Variants in SOX6 observed in about 807,000 individuals in gnomAD.
The protein encoded by SOX6 is transcription factor SOX-6.
A neutral mutation model predicts 97.8 loss-of-function variants in SOX6; 11 were observed. The ratio of observed to expected loss-of-function variants is 0.11; its 90% confidence interval spans 0.07 to 0.19. The LOEUF (loss-of-function observed/expected upper bound fraction) is 0.19, where lower values mean the gene tolerates loss of function less well. Among genes scored for constraint, SOX6 ranks in the 10% least tolerant of loss-of-function variants. SOX6 has a pLI of 1.00. For missense variants in SOX6, 810 were observed against 1,039.5 expected (o/e 0.78, Z 3.04); for synonymous variants, 360 against 371.4 (o/e 0.97, Z 0.35).
At chr11:16,245,077 T>C (rs1853298870) in intron 3 of SOX6, among the ~76,000 whole-genome samples, 1 of 151,856 alleles carries the variant, frequency 6.6e-6, no homozygotes. Flanking sequence ...TTTAAAGATA[T>C]AAATTTCCTT....
chr11:16,151,294 T>C (rs115253236), intron 6 of SOX6, among the ~76,000 whole-genome samples: 294 of 152,256 alleles, frequency 1.9e-3, no homozygotes, highest in African/African-American at 6.9e-3. Context: ...GAGCTGACAA[T>C]AGTGCGTAAC....
At chr11:16,603,465 G>A (rs551777038) in intron 4 of SOX6, among the ~76,000 whole-genome samples, 52 of 152,224 alleles carry the variant, frequency 3.4e-4, no homozygotes, top group Non-Finnish European at 6.2e-4. Flanking sequence ...GGCTAGGCCT[G>A]GAGGGGGAAA....
At chr11:16,035,945 C>T (rs1257256295) in intron 12 of SOX6, among the ~76,000 whole-genome samples, 1 of 152,150 alleles carries the variant, frequency 6.6e-6, no homozygotes, top group East Asian at 1.9e-4. Context: ...GCCAGAGAGA[C>T]AGAGGACTGG....
At chr11:16,660,500 C>G (rs1847758104) in intron 3 of SOX6, among the ~76,000 whole-genome samples, 1 of 152,086 alleles carries the variant, frequency 6.6e-6, no homozygotes, top group Non-Finnish European at 1.5e-5. Flanking sequence ...GGTTTTGATG[C>G]CCAGAATGTG....
intron 3 of SOX6, among the ~76,000 whole-genome samples, chr11:16,690,983 GA>G (rs1384405626): frequency 2.6e-5 from 4 of 152,192 alleles, no homozygotes; most frequent in Non-Finnish European, 5.9e-5. Context: ...CTCCCCAATG[GA>G]AGCAGGATCA....
At chr11:16,024,043 G>A (rs552057129) in intron 12 of SOX6, among the ~76,000 whole-genome samples, 1 of 152,246 alleles carries the variant, frequency 6.6e-6, no homozygotes, top group East Asian at 1.9e-4. Flanking sequence ...CAGTGGTTAG[G>A]TTAAAATGAG....
chr11:16,215,419 A>G (rs1351451755), intron 4 of SOX6, among the ~76,000 whole-genome samples: 2 of 152,196 alleles, frequency 1.3e-5, no homozygotes, highest in African/African-American at 4.8e-5. Flanking sequence ...TCTATTCATG[A>G]TTCATAAGTT....
intron 9 of SOX6, among the ~76,000 whole-genome samples, chr11:16,090,012 T>C (rs1427064504): frequency 6.6e-6 from 1 of 152,098 alleles, no homozygotes; most frequent in Non-Finnish European, 1.5e-5. Context: ...TACATGCAGA[T>C]ATATGATACA....
chr11:16,063,536 A>T (rs1288665937), intron 9 of SOX6, among the ~76,000 whole-genome samples: 4 of 93,958 alleles, frequency 4.3e-5, no homozygotes, highest in African/African-American at 1.5e-4. Context: ...ATATATATAT[A>T]TATATATATA....
chr11:16,633,147 G>A (rs1299432313), intron 3 of SOX6, among the ~76,000 whole-genome samples: 2 of 152,204 alleles, frequency 1.3e-5, no homozygotes, highest in Non-Finnish European at 2.9e-5. Context: ...CCTGGACATG[G>A]AGTTGAGAGG....
chr11:16,323,510 T>A (rs910767823), intron 2 of SOX6, among the ~76,000 whole-genome samples: 7 of 152,100 alleles, frequency 4.6e-5, no homozygotes, highest in Admixed American at 1.3e-4. Flanking sequence ...ACTCAAATCT[T>A]TGGGCATTTG....
At chr11:16,346,077 T>C (rs1856769912) in intron 1 of SOX6, among the ~76,000 whole-genome samples, 1 of 152,084 alleles carries the variant, frequency 6.6e-6, no homozygotes, top group Admixed American at 6.6e-5. Context: ...GTTGTTCTAC[T>C]TATTCAAAAA....
rs968637461 is a variant in SOX6, at chr11:16,702,941, C to T, written n.429+11889G>A. Among the ~76,000 whole-genome samples, 3 of 149,192 alleles carry T rather than the reference C, an allele frequency of 2.0e-5. No homozygotes were observed. In the Admixed American group the frequency reaches 2.0e-4, roughly 10 times the overall value. ...ATTCATATATATATATAAAATCCTT[C>T]ATATGTATATATATATAAATTCTTC... On this transcript the variant is annotated intron_variant and non_coding_transcript_variant, in intron 3 of 5. Coordinates refer to the SOX6 transcript ENST00000524520.
chr11:16,291,985 C>T (rs1854931216), intron 3 of SOX6, among the ~76,000 whole-genome samples: 1 of 151,984 alleles, frequency 6.6e-6, no homozygotes, highest in African/African-American at 2.4e-5. Flanking sequence ...TTTGTTAGTC[C>T]CAGAGGCTTA....
chr11:16,327,215 A>G (rs917876161), intron 2 of SOX6, among the ~76,000 whole-genome samples: 1 of 152,192 alleles, frequency 6.6e-6, no homozygotes, highest in Non-Finnish European at 1.5e-5. Flanking sequence ...GGATAGAGCT[A>G]TAATTATATC....
chr11:16,314,129 T>C (rs895565564), intron 3 of SOX6: 2 of 152,148 alleles, frequency 1.3e-5, no homozygotes, highest in African/African-American at 4.8e-5. Context: ...TTGCCTTCAA[T>C]ATAAAGTTCA....
intron 4 of SOX6, among the ~76,000 whole-genome samples, chr11:16,219,194 T>G (rs1253214019): frequency 6.6e-6 from 1 of 152,064 alleles, no homozygotes; most frequent in Non-Finnish European, 1.5e-5. Flanking sequence ...AAAAGAGGCT[T>G]GAGGAAAAAT....
rs1848419095 is a variant in SOX6, at chr11:16,613,079, AG to A, written n.430-820del. On this transcript the variant is annotated intron_variant and non_coding_transcript_variant, in intron 3 of 5. Coordinates refer to the SOX6 transcript ENST00000524520. This position sits in a 1 kb window ranked among gnomAD's most constrained non-coding sequence, Gnocchi z 4.6. ...AAAGAAAAAAAGGGAGGAAAAAAGG[AG>A]GGGGGCAGCTCAAGCCTTGTCCAAG... is the stretch of plus-strand genomic sequence containing the variant. 3 of 152,800 alleles carry A rather than the reference AG, an allele frequency of 2.0e-5. No individual in the cohort carries two copies. Among genetic ancestry groups the A allele is most frequent in the Non-Finnish European group, 4.4e-5 (3 of 68,646 alleles). The allele number at this position is 152,800 out of a possible 1,614,324, so 9.5% of individuals were successfully genotyped here. A position where few individuals can be genotyped will look rare whatever the true frequency, so the allele number is the denominator to read the frequency against.
At chr11:16,008,671 A>G (rs567897254) in intron 13 of SOX6, among the ~76,000 whole-genome samples, 1 of 152,212 alleles carries the variant, frequency 6.6e-6, no homozygotes, top group South Asian at 2.1e-4. Flanking sequence ...CCAACATTAA[A>G]AGTTATTTCG....
Sources: allele counts gnomAD v4.1 joint callset (sites outside exome capture counted in the v4.1 genomes callset), GRCh38; gene constraint gnomAD v4.1.1; non-coding constraint Gnocchi (gnomAD v3.1); transcripts MANE v1.5; gene names NCBI Gene and HGNC (gene_info 2026-07-23, HGNC 2026-07-21).